The following LRRIQ1 variants were observed in gnomAD, a reference collection of about 807,000 sequenced individuals.
LRRIQ1 encodes the protein leucine-rich repeat- and IQ domain-containing protein 1.
Under a neutral mutation model 211.9 loss-of-function variants are expected in LRRIQ1, and 210 were observed. The ratio of observed to expected loss-of-function variants is 0.99; its 90% CI spans 0.89 to 1.11. The LOEUF (loss-of-function observed/expected upper bound fraction) is 1.11, where lower values mean the gene tolerates loss of function less well. Among genes scored for constraint, LRRIQ1 ranks in the 50% most tolerant of loss-of-function variants. The probability of loss-of-function intolerance (pLI) is 0.00; values close to 1 mark genes in which losing one functional copy is unlikely to be tolerated. For synonymous variants in LRRIQ1, 699 were observed against 650.1 expected, an observed-to-expected ratio of 1.08 and a Z score of -1.14; for missense variants, 2,136 against 1,939.5, an observed-to-expected ratio of 1.10 and a Z score of -1.90.
chr12:85,064,405 T>A (rs551203391), intron 8 of LRRIQ1, among the ~76,000 whole-genome samples: 1 of 152,014 alleles, frequency 6.6e-6, no homozygotes, highest in South Asian at 2.1e-4. Flanking sequence ...GAGCTTCTTA[T>A]ATATTCCGGT....
chr12:85,264,175 A>C (rs1213883913), exon 2 of LRRIQ1: 1 of 152,036 alleles, frequency 6.6e-6, no homozygotes, highest in East Asian at 1.9e-4. Context: ...TCCCTATTGC[A>C]TTGCAAACCT....
intron 11 of LRRIQ1, among the ~76,000 whole-genome samples, chr12:85,088,798 G>C (rs1462675361): frequency 6.6e-6 from 1 of 152,186 alleles, no homozygotes; most frequent in Non-Finnish European, 1.5e-5. Flanking sequence ...TTTGTATCCT[G>C]AGACTTTGCT....
intron 7 of LRRIQ1, among the ~76,000 whole-genome samples, chr12:85,053,439 G>A (rs1342649561): frequency 2.0e-5 from 3 of 152,058 alleles, no homozygotes; most frequent in Admixed American, 6.6e-5. Flanking sequence ...GCATCTGGAG[G>A]ATAAAAGACG....
intron 11 of LRRIQ1, among the ~76,000 whole-genome samples, chr12:85,075,247 G>A (rs1045385494): frequency 6.6e-6 from 1 of 152,048 alleles, no homozygotes; most frequent in Non-Finnish European, 1.5e-5. Flanking sequence ...AGGAGTTCAA[G>A]ACCAAACTGG....
chr12:85,170,673 G>A (rs1891374852), intron 24 of LRRIQ1, among the ~76,000 whole-genome samples: 1 of 151,556 alleles, frequency 6.6e-6, no homozygotes, highest in African/African-American at 2.4e-5. Context: ...TAAAAAAAAA[G>A]AGGACTTCCA....
intron 24 of LRRIQ1, among the ~76,000 whole-genome samples, chr12:85,172,632 A>T (rs1592921066): frequency 6.6e-6 from 1 of 152,284 alleles, no homozygotes; most frequent in African/African-American, 2.4e-5. Flanking sequence ...ATGAGCAAAT[A>T]TGGGAATATT....
At chr12:85,133,127 A>G (rs1057424493) in intron 18 of LRRIQ1, among the ~76,000 whole-genome samples, 3 of 152,180 alleles carry the variant, frequency 2.0e-5, no homozygotes, top group African/African-American at 7.2e-5. Context: ...TATTGAGTGC[A>G]TATTAGGTGA....
intron 11 of LRRIQ1, among the ~76,000 whole-genome samples, chr12:85,085,192 G>T (rs1369548506): frequency 1.3e-5 from 2 of 152,098 alleles, no homozygotes; most frequent in African/African-American, 4.8e-5. Context: ...CCGAGACTGG[G>T]TAATTTATAA....
At chr12:85,058,812 A>G (rs1881443794) in intron 8 of LRRIQ1, among the ~76,000 whole-genome samples, 1 of 152,016 alleles carries the variant, frequency 6.6e-6, no homozygotes, top group Non-Finnish European at 1.5e-5. Context: ...CCATTCTTGC[A>G]ATGATTCTAA....
chr12:85,075,383 T>A (rs1309955581), intron 11 of LRRIQ1, among the ~76,000 whole-genome samples: 1 of 152,012 alleles, frequency 6.6e-6, no homozygotes, highest in Non-Finnish European at 1.5e-5. Context: ...TGGCTCATGG[T>A]TCTGCAGGCT....
chr12:85,100,394 A>G (rs1301561231), intron 13 of LRRIQ1, among the ~76,000 whole-genome samples: 1 of 151,696 alleles, frequency 6.6e-6, no homozygotes, highest in African/African-American at 2.4e-5. Context: ...TAGAGAATTA[A>G]ATATTTTTTA....
intron 10 of LRRIQ1, among the ~76,000 whole-genome samples, chr12:85,072,657 C>T (rs1304196113): frequency 3.3e-5 from 5 of 149,490 alleles, no homozygotes; most frequent in Non-Finnish European, 7.4e-5. Flanking sequence ...TTTTTTCATT[C>T]TCTCTTTAAT....
At chr12:85,138,752 T>C (rs1889320076) in intron 19 of LRRIQ1, among the ~76,000 whole-genome samples, 1 of 151,586 alleles carries the variant, frequency 6.6e-6, no homozygotes, top group African/African-American at 2.4e-5. Flanking sequence ...TTAAAATCTT[T>C]TATGCTAGAA....
chr12:85,115,889 A>G (rs1248953819), intron 15 of LRRIQ1, among the ~76,000 whole-genome samples: 1 of 152,174 alleles, frequency 6.6e-6, no homozygotes, highest in African/African-American at 2.4e-5. Flanking sequence ...TAAAACAAAT[A>G]TTTATATTAG....
intron 24 of LRRIQ1, among the ~76,000 whole-genome samples, chr12:85,176,977 G>T (rs1056761753): frequency 3.3e-5 from 5 of 151,902 alleles, no homozygotes; most frequent in Non-Finnish European, 7.4e-5. Flanking sequence ...CACCAACTTG[G>T]AGTTATGTAA....
chr12:85,115,787 A>AT (rs1431340065), intron 15 of LRRIQ1, among the ~76,000 whole-genome samples: 1 of 152,116 alleles, frequency 6.6e-6, no homozygotes, highest in African/African-American at 2.4e-5. Flanking sequence ...TTATCTTTGA[A>AT]TGTATTTATT....
At chr12:85,188,609 C>T (rs942980192) in intron 24 of LRRIQ1, among the ~76,000 whole-genome samples, 2 of 152,084 alleles carry the variant, frequency 1.3e-5, no homozygotes, top group Non-Finnish European at 2.9e-5. Flanking sequence ...TATTGAAATA[C>T]TCTCTTATCT....
At chr12:85,219,318 A>G (rs1180473497) in intron 24 of LRRIQ1, among the ~76,000 whole-genome samples, 4 of 152,144 alleles carry the variant, frequency 2.6e-5, no homozygotes, top group African/African-American at 7.2e-5. Flanking sequence ...ATTTATTACA[A>G]TTTGTTAATA....
intron 24 of LRRIQ1, among the ~76,000 whole-genome samples, chr12:85,191,537 G>A (rs537604480): frequency 2.2e-4 from 33 of 152,072 alleles, no homozygotes; most frequent in African/African-American, 7.9e-4. Flanking sequence ...TCATTGAATG[G>A]AAGTACCACA....
Sources: gnomAD v4.1 joint callset for allele counts (sites outside exome capture counted in the v4.1 genomes callset) on GRCh38, gnomAD v4.1.1 for gene constraint, MANE v1.5 for transcripts, NCBI Gene and HGNC (gene_info 2026-07-23, HGNC 2026-07-21) for gene names.